GRK4: variants seen among roughly 807,000 people sequenced by gnomAD.
GRK4 encodes G protein-coupled receptor kinase 4.
In GRK4, 73 loss-of-function variants were observed where a neutral mutation model predicts 77.9. The observed-to-expected ratio is 0.94, with a 90% confidence interval of 0.78 to 1.14. The LOEUF is 1.14. GRK4 is among the 50% of genes most tolerant of loss of function. The pLI is 0.00. For missense variants in GRK4, 729 were observed against 700.2 expected, an observed-to-expected ratio of 1.04 and a Z score of -0.46; for synonymous variants, 257 against 254.4, an observed-to-expected ratio of 1.01 and a Z score of -0.10.
intron 1 of GRK4, among the ~76,000 whole-genome samples, chr4:2,980,410 T>C (rs1245746817): frequency 6.6e-6 from 1 of 151,920 alleles, no homozygotes; most frequent in Non-Finnish European, 1.5e-5. Context: ...GTAGGAAACA[T>C]ACCCTAAAGG....
At chr4:3,022,028 C>T (rs192800546) in intron 9 of GRK4, among the ~76,000 whole-genome samples, 1 of 152,268 alleles carries the variant, frequency 6.6e-6, no homozygotes, top group East Asian at 1.9e-4. Context: ...AGGTACACAC[C>T]ACTGCACCCA....
chr4:2,966,571 G>C (rs1560331855), intron 1 of GRK4: 1 of 152,188 alleles, frequency 6.6e-6, no homozygotes, highest in Non-Finnish European at 1.5e-5. Context: ...TAGAGAAGTT[G>C]AATATATAAT....
intron 2 of GRK4, among the ~76,000 whole-genome samples, chr4:2,986,354 C>CTTTTTTTTTTTTT (rs36001597): frequency 1.4e-5 from 1 of 73,256 alleles, no homozygotes. Context: ...AAGGTGTTAT[C>CTTTTTTTTTTTTT]TTTTTTTTTT....
intron 1 of GRK4, among the ~76,000 whole-genome samples, chr4:2,964,685 A>G (rs897844158): frequency 3.9e-4 from 59 of 152,362 alleles, no homozygotes; most frequent in African/African-American, 1.4e-3. Flanking sequence ...ACAAGTTGGC[A>G]AAAATTCAGC....
chr4:3,037,477 C>T lies in GRK4; in HGVS notation c.1511C>T (p.Ala504Val). 6.2e-7 allele frequency: 1 copy of T among 1,609,980 alleles called. No homozygotes were observed. Among genetic ancestry groups the T allele is most frequent in the Non-Finnish European group, 8.5e-7 (1 of 1,176,544 alleles). ...TADEDFYARFATGCVSIPWQN... is the reference protein window; with the variant it reads ...TADEDFYARFVTGCVSIPWQN... ...GATGAAGACTTCTATGCTCGGTTTG[C>T]TACCGGGTGTGTCTCCATCCCCTGG... The change falls in exon 14 of 16, where the codon GCT becomes GTT. Residue 504 changes from alanine (A) to valine (V), a missense_variant. Ala to Val is a moderately conservative substitution (Grantham distance 64). Coordinates refer to ENST00000398052, the MANE Select transcript of GRK4 (RefSeq NM_182982.3).
At chr4:3,035,340 A>G in intron 12 of GRK4, 46 bp from the exon 13 acceptor site, 1 of 1,610,300 alleles carries the variant, frequency 6.2e-7, no homozygotes, top group Non-Finnish European at 8.5e-7. Flanking sequence ...TTGAGTTTTC[A>G]TTTTTATCCA....
chr4:3,021,893 T>C (rs1184560070), intron 9 of GRK4, among the ~76,000 whole-genome samples: 1 of 152,200 alleles, frequency 6.6e-6, no homozygotes, highest in Non-Finnish European at 1.5e-5. Context: ...CTGCACCATG[T>C]CTGCCCCATC....
chr4:3,021,919 G>A (rs1264531010), intron 9 of GRK4, among the ~76,000 whole-genome samples: 2 of 152,092 alleles, frequency 1.3e-5, no homozygotes, highest in East Asian at 1.9e-4. Flanking sequence ...CTGTGTCCAC[G>A]GGACTCACCA....
Position 2,972,503 on chromosome 4 carries a change from C to T in GRK4, c.52+8381C>T, listed in dbSNP as rs12640628. ...GGGGTAGAGTGGCGCTAGGGTTCAC[C>T]AGCACGTGTGCCCCAAACCTGCGGG... On this transcript the variant is annotated intron_variant, in intron 1 of 15. Coordinates refer to ENST00000398052, the MANE Select transcript of GRK4 (RefSeq NM_182982.3). 4.6e-5 allele frequency among the ~76,000 whole-genome samples: 7 copies of T among 152,156 alleles called. No homozygotes were observed. In the East Asian group the frequency reaches 1.2e-3, roughly 25 times the overall value.
chr4:3,025,031 G>A (rs2110015499), intron 10 of GRK4, among the ~76,000 whole-genome samples: 1 of 151,960 alleles, frequency 6.6e-6, no homozygotes. Flanking sequence ...AATATTTTGG[G>A]AGGCCAAGGC....
chr4:2,991,776 T>C (rs1266956166), intron 3 of GRK4, among the ~76,000 whole-genome samples: 1 of 152,188 alleles, frequency 6.6e-6, no homozygotes, highest in Non-Finnish European at 1.5e-5. Flanking sequence ...CCTCCCAAAG[T>C]GCTGTGGTTA....
At chr4:2,991,579 C>T (rs368719077) in intron 3 of GRK4, among the ~76,000 whole-genome samples, 59 of 152,290 alleles carry the variant, frequency 3.9e-4, no homozygotes, top group African/African-American at 1.4e-3. Flanking sequence ...AGCATGATCT[C>T]GGCTCACTGC....
intron 4 of GRK4, among the ~76,000 whole-genome samples, chr4:2,992,985 A>G (rs980177038): frequency 1.3e-5 from 2 of 152,180 alleles, no homozygotes; most frequent in African/African-American, 4.8e-5. Flanking sequence ...CCCTGTCTCA[A>G]AACTACCTCC....
At chr4:3,039,241 C>T (rs565153899) in intron 15 of GRK4, among the ~76,000 whole-genome samples, 1 of 152,168 alleles carries the variant, frequency 6.6e-6, no homozygotes, top group South Asian at 2.1e-4. Flanking sequence ...AAAATGGAAT[C>T]CTTTGGAAAG....
intron 4 of GRK4, among the ~76,000 whole-genome samples, chr4:3,002,677 TG>T (rs1730177080): frequency 6.6e-6 from 1 of 152,100 alleles, no homozygotes; most frequent in Non-Finnish European, 1.5e-5. Flanking sequence ...CACTCCAGCC[TG>T]GACCACAGAA....
intron 1 of GRK4, among the ~76,000 whole-genome samples, chr4:2,977,211 G>A (rs1721476475): frequency 6.6e-6 from 1 of 152,040 alleles, no homozygotes; most frequent in East Asian, 1.9e-4. Context: ...TCTTGCTTGA[G>A]CTCCCTTCCC....
chr4:3,023,566 A>G (rs1736655199), intron 10 of GRK4, among the ~76,000 whole-genome samples: 1 of 152,174 alleles, frequency 6.6e-6, no homozygotes, highest in South Asian at 2.1e-4. Context: ...CCTGTGAGGA[A>G]GGAGGGTACT....
chr4:2,993,814 G>A (rs955309773), intron 4 of GRK4, among the ~76,000 whole-genome samples: 1 of 152,198 alleles, frequency 6.6e-6, no homozygotes, highest in Non-Finnish European at 1.5e-5. Context: ...GTGACTAAGT[G>A]ACTTACCCAA....
chr4:2,985,945 A>G (rs565867679), intron 2 of GRK4: 1 of 146,374 alleles, frequency 6.8e-6, no homozygotes, highest in East Asian at 2.0e-4. Flanking sequence ...AGATCCCACC[A>G]CTGCACTCCA....
Sources: gnomAD v4.1 joint callset for allele counts (sites outside exome capture counted in the v4.1 genomes callset) on GRCh38, gnomAD v4.1.1 for gene constraint, MANE v1.5 for transcripts, NCBI Gene and HGNC (gene_info 2026-07-23, HGNC 2026-07-21) for gene names.